The following PTPRR variants were observed in gnomAD, a reference collection of about 807,000 sequenced individuals.
PTPRR encodes the protein protein tyrosine phosphatase receptor type R, also known as receptor-type tyrosine-protein phosphatase R.
A neutral mutation model predicts 77.2 loss-of-function variants in PTPRR; 38 were observed. That is an observed-to-expected ratio of 0.49 (90% CI 0.38 to 0.65). The LOEUF (loss-of-function observed/expected upper bound fraction) is 0.65. Ranked by LOEUF, PTPRR falls within the 30% of genes least tolerant of loss-of-function variation. PTPRR has a pLI of 0.00. For missense variants in PTPRR, 744 were observed against 799.2 expected (o/e 0.93, Z 0.83); for synonymous variants, 299 against 283.1 (o/e 1.06, Z -0.57).
rs746157325 is a variant in PTPRR at position 70,656,819 on chromosome 12, TGAAAA to T, written c.1767-7_1767-3del. The T allele has an allele frequency of 4.9e-5, 77 of 1,584,602 alleles. No homozygotes were observed. The highest frequency in any genetic ancestry group is 7.9e-5 in the South Asian group (7 of 88,686). On this transcript the variant is annotated splice_region_variant and splice_polypyrimidine_tract_variant and intron_variant, in intron 12 of 13. Transcript: ENST00000283228. ...CACCCTGTTCTACCTATTCCTGCAC[TGAAAA>T]GAAAAGAAAAGAAATTTAAAAAGTG...
intron 2 of PTPRR, among the ~76,000 whole-genome samples, chr12:70,852,873 G>A (rs1433821408): frequency 6.6e-6 from 1 of 152,192 alleles, no homozygotes; most frequent in Non-Finnish European, 1.5e-5. Flanking sequence ...CAGGAAAGGA[G>A]CTGCTGTCAG....
rs561491316 is a variant in PTPRR, at chr12:70,883,708, A to G, written c.357+8971T>C. ...TGAGTTTTATTTCACATGTCTTAAT[A>G]ATGTCACAGCCAGATCTGGGGTCTT... On this transcript the variant is annotated intron_variant, in intron 2 of 13. Transcript: ENST00000283228. Among the ~76,000 whole-genome samples the G allele has an allele frequency of 3.5e-4, 54 of 152,312 alleles. 1 individual carries two copies. The highest frequency in any genetic ancestry group is 1.3e-3 in the African/African-American group (52 of 41,556).
At chr12:70,643,309 G>C (rs1448909395) in intron 13 of PTPRR, among the ~76,000 whole-genome samples, 11 of 151,534 alleles carry the variant, frequency 7.3e-5, no homozygotes, top group African/African-American at 2.2e-4. Context: ...AATTTTTTCT[G>C]TGTGTGTGTG....
intron 6 of PTPRR, among the ~76,000 whole-genome samples, chr12:70,738,586 T>C (rs1471575140): frequency 6.6e-6 from 1 of 152,240 alleles, no homozygotes; most frequent in Non-Finnish European, 1.5e-5. Context: ...CCATTAGCCG[T>C]ACAGTAGCCC....
rs138025593 is a variant in PTPRR at position 70,754,279 on chromosome 12, T to C, written c.650A>G (p.His217Arg). 3.2e-5 allele frequency: 51 copies of C among 1,613,570 alleles called. No individual in the cohort carries two copies. The highest frequency in any genetic ancestry group is 4.0e-5 in the Non-Finnish European group (47 of 1,179,820). ...TTTGCTCCAGATTTTGTCCGCTTCA[T>C]GCTGCCCTTGTAAAACATTTTTCTT... ...SPEKNVLQGQ[H>R]EADKIWSKEG... Residue 217 changes from histidine (H) to arginine (R), a missense_variant, in exon 5 of 14, where the codon CAT (histidine) becomes CGT (arginine). Transcript: ENST00000283228.
At chr12:70,913,983 T>A (rs1361454987) in intron 1 of PTPRR, among the ~76,000 whole-genome samples, 2 of 152,100 alleles carry the variant, frequency 1.3e-5, no homozygotes, top group Non-Finnish European at 2.9e-5. Flanking sequence ...AGTATACAGG[T>A]TAAGTACATT....
In PTPRR at chr12:70,878,028, G is replaced by C. The variant is rs544876429; in HGVS notation, c.357+14651C>G. Among the ~76,000 whole-genome samples, 1,128 of 152,224 alleles carry C rather than the reference G, an allele frequency of 7.4e-3. 7 individuals carry two copies. Among genetic ancestry groups the C allele is most frequent in the Non-Finnish European group, 0.011 (725 of 67,998 alleles). On this transcript the variant is annotated intron_variant, in intron 2 of 13. Coordinates refer to ENST00000283228, the MANE Select transcript of PTPRR (RefSeq NM_002849.4). ...GATTCCCTATTTAACAAATGGTGCT[G>C]GGAAAACTGGCTAGCCATATGTAGA...
intron 4 of PTPRR, 102 bp downstream of exon 4, chr12:70,761,369 C>A: frequency 9.1e-7 from 1 of 1,099,872 alleles, no homozygotes; most frequent in Non-Finnish European, 1.2e-6. Flanking sequence ...TATCAAATAA[C>A]ATACAATAAA....
intron 10 of PTPRR, among the ~76,000 whole-genome samples, chr12:70,665,463 C>A (rs1160421929): frequency 7.1e-6 from 1 of 140,962 alleles, no homozygotes; most frequent in Admixed American, 7.6e-5. Flanking sequence ...CTTACTGCAA[C>A]CTCCACCTCC....
Position 70,785,026 on chromosome 12 carries a change from A to G in PTPRR, c.358-20248T>C, listed in dbSNP as rs971889963. ...TCATTTGTTTCTGGAGAGAATATAT[A>G]TATTCGAGGTTGAAGGTCAAAACGG... On this transcript the variant is annotated intron_variant, in intron 2 of 13. Coordinates refer to ENST00000283228, the MANE Select transcript of PTPRR (RefSeq NM_002849.4). Among the ~76,000 whole-genome samples, 10 of 152,274 alleles carry G rather than the reference A, an allele frequency of 6.6e-5. No individual in the cohort carries two copies. In the East Asian group the frequency reaches 1.5e-3, roughly 23 times the overall value.
At chr12:70,731,074 A>AAGAGAGAGGAAGGGAGGAGGAAGG (rs1889642728) in intron 6 of PTPRR, among the ~76,000 whole-genome samples, 2 of 86,872 alleles carry the variant, frequency 2.3e-5, no homozygotes, top group African/African-American at 7.8e-5. Context: ...GGAGGAAGGC[A>AAGAGAGAGGAAGGGAGGAGGAAGG]AGAGAGAGGA....
At chr12:70,792,728 T>C (rs1891443127) in intron 2 of PTPRR, among the ~76,000 whole-genome samples, 1 of 152,150 alleles carries the variant, frequency 6.6e-6, no homozygotes, top group Non-Finnish European at 1.5e-5. Context: ...GGAAAATGCA[T>C]ATTATGAAAA....
intron 2 of PTPRR, among the ~76,000 whole-genome samples, chr12:70,808,632 A>T (rs1434003603): frequency 6.6e-6 from 1 of 152,162 alleles, no homozygotes; most frequent in Non-Finnish European, 1.5e-5. Flanking sequence ...ACTGAAAGTT[A>T]GACCATTTGT....
intron 2 of PTPRR, among the ~76,000 whole-genome samples, chr12:70,806,855 T>C (rs1891719195): frequency 6.6e-6 from 1 of 152,186 alleles, no homozygotes; most frequent in Admixed American, 6.6e-5. Flanking sequence ...TTCTGTTTGA[T>C]TTAGTTGTTC....
intron 2 of PTPRR, among the ~76,000 whole-genome samples, chr12:70,875,000 G>A (rs1893027203): frequency 6.6e-6 from 1 of 151,244 alleles, no homozygotes; most frequent in South Asian, 2.1e-4. Context: ...GCACGTAGCA[G>A]CAAATGTACA....
chr12:70,718,892 G>C (rs1345222174), intron 6 of PTPRR, among the ~76,000 whole-genome samples: 1 of 152,102 alleles, frequency 6.6e-6, no homozygotes, highest in Non-Finnish European at 1.5e-5. Flanking sequence ...AAGTCCTTTG[G>C]ACTTTTTTGC....
intron 2 of PTPRR, among the ~76,000 whole-genome samples, chr12:70,793,839 T>C (rs1891464216): frequency 6.6e-6 from 1 of 152,198 alleles, no homozygotes; most frequent in Admixed American, 6.5e-5. Context: ...AATACTGTAT[T>C]GACATAGTTA....
intron 6 of PTPRR, among the ~76,000 whole-genome samples, chr12:70,716,131 C>G (rs1889019755): frequency 6.6e-6 from 1 of 152,256 alleles, no homozygotes; most frequent in East Asian, 1.9e-4. Context: ...CTTCCCGCAA[C>G]CTTACATAAA....
At position 70,701,038 on chromosome 12, in the gene PTPRR, T is replaced by C. The variant is rs74634586; in HGVS notation, c.1194+99A>G. On this transcript the variant is annotated intron_variant, in intron 7 of 13. Coordinates refer to ENST00000283228, the MANE Select transcript of PTPRR (RefSeq NM_002849.4). ...ATTTCACTTTGCCATTTGTTTACTGTAGACTGCTTAAGTATAGGACAGTAT... is the reference window on the plus strand; with the variant it reads ...ATTTCACTTTGCCATTTGTTTACTGCAGACTGCTTAAGTATAGGACAGTAT... 5,088 of 1,264,210 alleles carry C rather than the reference T, an allele frequency of 4.0e-3. 176 individuals carry two copies. The African/African-American group carries it at 0.068, about 17-fold the overall frequency. The allele number at this position is 1,264,210 out of a possible 1,614,324, so 78.3% of individuals were successfully genotyped here.
Sources: gnomAD v4.1 joint callset for allele counts (sites outside exome capture counted in the v4.1 genomes callset) on GRCh38, gnomAD v4.1.1 for gene constraint, MANE v1.5 for transcripts, NCBI Gene and HGNC (gene_info 2026-07-23, HGNC 2026-07-21) for gene names.